The following TARBP1 variants were observed in gnomAD, a reference collection of about 807,000 sequenced individuals.
TARBP1 encodes tRNA (guanosine(18)-2'-O)-methyltransferase TARBP1.
Under a neutral mutation model 178.6 loss-of-function variants are expected in TARBP1, and 144 were observed. The ratio of observed to expected loss-of-function variants is 0.81; its 90% confidence interval spans 0.70 to 0.93. The LOEUF (loss-of-function observed/expected upper bound fraction) is 0.93. Ranked by LOEUF, TARBP1 falls within the 40% of genes least tolerant of loss-of-function variation. The pLI is 0.00. For synonymous variants in TARBP1, 787 were observed against 781.0 expected (o/e 1.01, Z -0.13); for missense variants, 2,067 against 2,011.7 (o/e 1.03, Z -0.53).
chr1:234,399,266 G>T (rs943772939), intron 25 of TARBP1, among the ~76,000 whole-genome samples: 1 of 152,182 alleles, frequency 6.6e-6, no homozygotes, highest in African/African-American at 2.4e-5. Flanking sequence ...ACTTAAAAAC[G>T]AAACAATACT....
intron 13 of TARBP1, among the ~76,000 whole-genome samples, chr1:234,435,375 C>T (rs1664901065): frequency 2.0e-5 from 3 of 148,780 alleles, no homozygotes; most frequent in South Asian, 4.3e-4. Flanking sequence ...ATACCAGCTA[C>T]TCGAGGCTGA....
At chr1:234,405,736 C>T (rs1436527606) in intron 24 of TARBP1, among the ~76,000 whole-genome samples, 167 bp downstream of exon 24, 3 of 152,162 alleles carry the variant, frequency 2.0e-5, no homozygotes, top group Non-Finnish European at 4.4e-5. Context: ...TAATTAACTA[C>T]ACCCCAAAGT....
intron 22 of TARBP1, among the ~76,000 whole-genome samples, chr1:234,411,367 T>C (rs374166756): frequency 6.6e-6 from 1 of 152,144 alleles, no homozygotes; most frequent in East Asian, 1.9e-4. Context: ...TTGGCATCCG[T>C]AGGGGGCCTG....
intron 23 of TARBP1, chr1:234,406,310 G>A: frequency 1.8e-6 from 1 of 556,190 alleles, no homozygotes; most frequent in Non-Finnish European, 3.2e-6. Flanking sequence ...CATTCTCCCA[G>A]CTCTAGTTTT....
intron 6 of TARBP1, among the ~76,000 whole-genome samples, chr1:234,461,144 A>G (rs1319645107): frequency 2.0e-5 from 3 of 152,372 alleles, no homozygotes; most frequent in Admixed American, 1.3e-4. Context: ...TGAATACACT[A>G]AACACCACTA....
chr1:234,444,533 GA>G (rs1422202852), intron 12 of TARBP1, among the ~76,000 whole-genome samples: 1 of 152,090 alleles, frequency 6.6e-6, no homozygotes, highest in Non-Finnish European at 1.5e-5. Context: ...CCATCACTGT[GA>G]ATTCACGATC....
At chr1:234,476,411 C>A (rs1195919761) in intron 1 of TARBP1, among the ~76,000 whole-genome samples, 1 of 152,132 alleles carries the variant, frequency 6.6e-6, no homozygotes, top group East Asian at 1.9e-4. Flanking sequence ...AAGGGAATCC[C>A]GGGGTAAGCG....
chr1:234,456,554 G>T (rs1476144053), intron 9 of TARBP1, among the ~76,000 whole-genome samples: 1 of 152,078 alleles, frequency 6.6e-6, no homozygotes, highest in Non-Finnish European at 1.5e-5. Flanking sequence ...AATTTTAAAT[G>T]ATACAATCAA....
Position 234,463,838 on chromosome 1 carries a change from CTT to C in TARBP1, c.1396_1397del (p.Lys466GlufsTer2). ...AAAAAACCCTTTACTGACACATACT[CTT>C]TATTTCTTCTGGAAGAAGAGAAATA... ...TYISLLPEEI[K>X]SSFLLKFIRK... On this transcript the variant is annotated frameshift_variant and splice_region_variant, in exon 6 of 30. Transcript: ENST00000040877. LOFTEE classifies it high-confidence loss of function. The C allele has an allele frequency of 6.4e-7, 1 of 1,551,042 alleles. No homozygotes were observed. The highest frequency in any genetic ancestry group is 8.7e-7 in the Non-Finnish European group (1 of 1,146,664).
At chr1:234,417,215 T>C (rs532454432) in intron 22 of TARBP1, among the ~76,000 whole-genome samples, 8 of 152,184 alleles carry the variant, frequency 5.3e-5, no homozygotes, top group African/African-American at 1.4e-4. Context: ...AGATCACACA[T>C]TGAAGTTTAA....
At chr1:234,444,729 T>A (rs1665975425) in intron 12 of TARBP1, among the ~76,000 whole-genome samples, 1 of 152,016 alleles carries the variant, frequency 6.6e-6, no homozygotes, top group South Asian at 2.1e-4. Context: ...AAAGAACTTC[T>A]ACGACCTCCT....
intron 20 of TARBP1, among the ~76,000 whole-genome samples, chr1:234,423,187 T>C (rs572487316): frequency 6.6e-6 from 1 of 152,366 alleles, no homozygotes; most frequent in East Asian, 1.9e-4. Flanking sequence ...TGTATTCCCA[T>C]TAGTGATGCA....
chr1:234,423,177 T>C (rs931634803), intron 20 of TARBP1, among the ~76,000 whole-genome samples: 2 of 152,252 alleles, frequency 1.3e-5, no homozygotes, highest in African/African-American at 4.8e-5. Flanking sequence ...TGCACTGTTC[T>C]GTATTCCCAT....
intron 9 of TARBP1, among the ~76,000 whole-genome samples, chr1:234,450,799 T>G (rs561794213): frequency 4.6e-5 from 7 of 151,300 alleles, no homozygotes; most frequent in Admixed American, 2.6e-4. Context: ...ATATGTGAGA[T>G]ATATATATAT....
At chr1:234,408,351 T>C (rs151044142) in intron 23 of TARBP1, among the ~76,000 whole-genome samples, 49 of 152,322 alleles carry the variant, frequency 3.2e-4, no homozygotes, top group African/African-American at 1.1e-3. Flanking sequence ...TTCCTGGGTG[T>C]AGGCTCAACT....
In TARBP1 at chr1:234,393,806, C is replaced by T. The variant is rs2175594; in HGVS notation, c.4275G>A (p.Ala1425=). The T allele has an allele frequency of 0.45, 714,637 of 1,599,134 alleles. 163,074 individuals carry two copies. The highest frequency in any genetic ancestry group is 0.58 in the African/African-American group (43,074 of 73,660). ...TCTTCTTCTGAACGTCGGTCCACTC[C>T]GCTTGGTTATCTGCTTCGACCAAAT... is the stretch of plus-strand genomic sequence containing the variant. ...GTNLVEADNQ[A]EWTDVQKKII... is the part of the protein sequence containing the mutation. Residue 1425 remains alanine, a synonymous_variant, in exon 27 of 30, where the codon GCG becomes GCA. Transcript: ENST00000040877.
At chr1:234,392,897 T>G (rs1291688119) in intron 28 of TARBP1, among the ~76,000 whole-genome samples, 1 of 151,966 alleles carries the variant, frequency 6.6e-6, no homozygotes, top group East Asian at 1.9e-4. Context: ...ATTTTTTATT[T>G]TTTAGTAGAG....
At chr1:234,396,996 A>G (rs543080871) in intron 26 of TARBP1, among the ~76,000 whole-genome samples, 5 of 151,556 alleles carry the variant, frequency 3.3e-5, no homozygotes, top group Non-Finnish European at 7.4e-5. Context: ...TCCATTTTCC[A>G]CTCGGACTGT....
intron 12 of TARBP1, among the ~76,000 whole-genome samples, chr1:234,444,290 G>T (rs1665918973): frequency 6.6e-6 from 1 of 152,098 alleles, no homozygotes; most frequent in Admixed American, 6.5e-5. Context: ...GTATACTGAA[G>T]GCTCATATAA....
Sources: gnomAD v4.1 joint callset for allele counts (sites outside exome capture counted in the v4.1 genomes callset) on GRCh38, gnomAD v4.1.1 for gene constraint, MANE v1.5 for transcripts, NCBI Gene and HGNC (gene_info 2026-07-23, HGNC 2026-07-21) for gene names.